The following CASP9 variants were observed in gnomAD, a reference collection of about 807,000 sequenced individuals.
The protein encoded by CASP9 is caspase 9, also known as caspase-9.
A neutral mutation model predicts 43.5 loss-of-function variants in CASP9; 29 were observed. That is an observed-to-expected ratio of 0.67 (90% confidence interval 0.50 to 0.91). CASP9 has a LOEUF of 0.91. Ranked by LOEUF, CASP9 falls within the 40% of genes least tolerant of loss-of-function variation. The pLI is 0.00. For missense variants in CASP9, 575 were observed against 537.4 expected, an observed-to-expected ratio of 1.07 and a Z score of -0.69; for synonymous variants, 206 against 211.9, an observed-to-expected ratio of 0.97 and a Z score of 0.24.
intron 8 of CASP9, chr1:15,493,288 C>A (rs749720851): frequency 1.5e-5 from 20 of 1,352,740 alleles, no homozygotes; most frequent in Non-Finnish European, 1.9e-5. Context: ...GTGGCCCCAG[C>A]CTCGCAGCCC....
At chr1:15,500,970 A>G (rs1446342921) in intron 6 of CASP9, among the ~76,000 whole-genome samples, 3 of 152,160 alleles carry the variant, frequency 2.0e-5, no homozygotes, top group African/African-American at 7.2e-5. Flanking sequence ...ATCTGATGTG[A>G]AGGCCTTGCC....
chr1:15,502,186 C>G (rs1709353556), intron 6 of CASP9, among the ~76,000 whole-genome samples: 3 of 151,982 alleles, frequency 2.0e-5, no homozygotes, highest in Non-Finnish European at 4.4e-5. Context: ...ATAAGCCCAT[C>G]TCAATACAAT....
At chr1:15,495,493 C>T in intron 6 of CASP9, 41 bp from the exon 7 acceptor site, 1 of 1,506,238 alleles carries the variant, frequency 6.6e-7, no homozygotes, top group South Asian at 1.3e-5. Flanking sequence ...CATTGAAATA[C>T]ACAGACAAGG....
chr1:15,493,520 A>G, intron 8 of CASP9: 1 of 1,361,116 alleles, frequency 7.3e-7, no homozygotes. Context: ...CTTGAGGGTC[A>G]AGAGTAGAAG....
At chr1:15,511,902 C>G (rs377178380) in intron 2 of CASP9, among the ~76,000 whole-genome samples, 1 of 152,024 alleles carries the variant, frequency 6.6e-6, no homozygotes, top group African/African-American at 2.4e-5. Flanking sequence ...CTCCCCAGCC[C>G]TTGGCAATTT....
chr1:15,497,511 C>T (rs1365257504), intron 6 of CASP9, among the ~76,000 whole-genome samples: 2 of 151,210 alleles, frequency 1.3e-5, no homozygotes, highest in African/African-American at 2.4e-5. Context: ...GGCGTGGTGG[C>T]GTGTGCCTGT....
rs1457606667 is a variant in CASP9 at position 15,499,767 on chromosome 1, G to A, written c.869-4315C>T. On this transcript the variant is annotated intron_variant, in intron 6 of 8. Transcript: ENST00000333868. ...TCTGGGGAACTGCTTAAGGGATAAC[G>A]TTAGCTGAGAAAAGCAGACTGTGCT... is the stretch of plus-strand genomic sequence containing the variant. Among the ~76,000 whole-genome samples, 3 of 152,234 alleles carry A rather than the reference G, an allele frequency of 2.0e-5. 1 individual carries two copies. Among genetic ancestry groups the A allele is most frequent in the Non-Finnish European group, 2.9e-5 (2 of 68,044 alleles).
Position 15,518,115 on chromosome 1 carries a change from T to C in CASP9, c.413A>G (p.Asp138Gly), listed in dbSNP as rs1411838976. ...ATCACTCTCTTGCTACTTACCGACA[T>C]CACCAAATCCTCCAGAACCAATGTC... ...PVDIGSGGFGDVGALESLRGN... is the reference protein window; with the variant it reads ...PVDIGSGGFGGVGALESLRGN... Residue 138 changes from aspartate (D) to glycine (G), a missense_variant, in exon 2 of 9, where the codon GAT (aspartate) becomes GGT (glycine). Asp to Gly is a moderately conservative substitution (Grantham distance 94). Transcript: ENST00000333868. 6.2e-7 allele frequency: 1 copy of C among 1,613,898 alleles called. No individual in the cohort carries two copies. Among genetic ancestry groups the C allele is most frequent in the Admixed American group, 1.7e-5 (1 of 60,020 alleles).
At chr1:15,503,010 C>T (rs551229266) in intron 6 of CASP9, among the ~76,000 whole-genome samples, 4 of 151,632 alleles carry the variant, frequency 2.6e-5, no homozygotes, top group Admixed American at 2.6e-4. Context: ...CTGGGTCCTC[C>T]GGGGTGGGAG....
intron 3 of CASP9, 67 bp from the exon 4 acceptor site, chr1:15,507,142 G>A (rs1356574173): frequency 5.6e-6 from 9 of 1,595,594 alleles, no homozygotes; most frequent in Non-Finnish European, 7.7e-6. Context: ...GTCTGGAGAG[G>A]CGGGAAGAAA....
At chr1:15,504,863 A>C in intron 5 of CASP9, 105 bp from the exon 6 acceptor site, 1 of 1,109,550 alleles carries the variant, frequency 9.0e-7, no homozygotes. Context: ...GGTCAAAGCC[A>C]GGGGCACGAG....
At chr1:15,523,993 G>A in intron 1 of CASP9, 76 bp downstream of exon 1, 2 of 1,137,116 alleles carry the variant, frequency 1.8e-6, no homozygotes, top group Non-Finnish European at 2.4e-6. Flanking sequence ...GGGAAGGCTA[G>A]GCTCCCGCAC....
At position 15,494,078 on chromosome 1, in the gene CASP9, C is replaced by T. The variant is rs1003268714; in HGVS notation, c.1049-77G>A. The T allele has an allele frequency of 2.3e-5, 35 of 1,524,952 alleles. No individual in the cohort carries two copies. In the African/African-American group the frequency reaches 3.0e-4, roughly 13 times the overall value. 94.5% of individuals were successfully genotyped at this position (1,524,952 alleles called of 1,614,324 possible). A position where few individuals can be genotyped will look rare whatever the true frequency, so the allele number is the denominator to read the frequency against. On this transcript the variant is annotated intron_variant, in intron 7 of 8. Coordinates refer to ENST00000333868, the MANE Select transcript of CASP9 (RefSeq NM_001229.5). Reference sequence around the variant, plus strand: ...TCCCCACCACCCCTCTGGCCATGCACGCTGGCTCGGGCGCCCTCCAGACCT... The same window carrying T: ...TCCCCACCACCCCTCTGGCCATGCATGCTGGCTCGGGCGCCCTCCAGACCT...
chr1:15,519,735 AGTG>A (rs1710104195), intron 1 of CASP9: 2 of 153,384 alleles, frequency 1.3e-5, no homozygotes, highest in South Asian at 4.1e-4. Flanking sequence ...GGCCAGGCAC[AGTG>A]GCTCATGCTT....
intron 6 of CASP9, among the ~76,000 whole-genome samples, chr1:15,503,011 G>A (rs988853254): frequency 3.9e-5 from 6 of 152,140 alleles, no homozygotes; most frequent in African/African-American, 9.7e-5. Flanking sequence ...TGGGTCCTCC[G>A]GGGTGGGAGC....
chr1:15,495,823 T>A (rs143232734), intron 6 of CASP9, among the ~76,000 whole-genome samples: 1 of 152,302 alleles, frequency 6.6e-6, no homozygotes, highest in African/African-American at 2.4e-5. Context: ...CAAATGCATA[T>A]CTGATTATTC....
intron 5 of CASP9, among the ~76,000 whole-genome samples, chr1:15,505,083 G>T (rs1004691265): frequency 2.0e-5 from 3 of 152,192 alleles, no homozygotes; most frequent in African/African-American, 7.2e-5. Flanking sequence ...TGTAAGAAAT[G>T]TGATTCCTGG....
rs755172989 is a variant in CASP9, at chr1:15,504,626, G to A, written c.853C>T (p.Gln285Ter). Reference protein sequence around the residue: ...LGGKPKLFFIQACGGEQKDHG... With the variant: ...LGGKPKLFFI ...AGCTGCTTACCCCCACCACAGGCCT[G>A]GATGAAAAAGAGCTTGGGCTTCCCT... is the stretch of plus-strand genomic sequence containing the variant. Residue 285 changes from glutamine to a stop codon, truncating the protein, a stop_gained, in exon 6 of 9, where the codon CAG becomes TAG. Transcript: ENST00000333868. LOFTEE classifies it high-confidence loss of function. The A allele has an allele frequency of 1.2e-6, 2 of 1,613,528 alleles. No homozygotes were observed. The highest frequency in any genetic ancestry group is 1.7e-6 in the Non-Finnish European group (2 of 1,179,732).
intron 8 of CASP9, 193 bp from the exon 9 acceptor site, chr1:15,493,228 C>T: frequency 7.1e-7 from 1 of 1,410,586 alleles, no homozygotes; most frequent in Non-Finnish European, 9.2e-7. Context: ...TTCAAAATTT[C>T]CAAATTCATA....
Sources: allele counts gnomAD v4.1 joint callset (sites outside exome capture counted in the v4.1 genomes callset), GRCh38; gene constraint gnomAD v4.1.1; transcripts MANE v1.5; gene names NCBI Gene and HGNC (gene_info 2026-07-23, HGNC 2026-07-21).